The following TRMT11 variants were observed in gnomAD, a reference collection of about 807,000 sequenced individuals.
TRMT11 encodes tRNA methyltransferase 11.
In TRMT11, 53 loss-of-function variants were observed where a neutral mutation model predicts 62.8. The observed-to-expected ratio is 0.84, with a 90% CI of 0.68 to 1.06. The LOEUF (loss-of-function observed/expected upper bound fraction) is 1.06, where lower values mean the gene tolerates loss of function less well. TRMT11 is among the 50% of genes least tolerant of loss of function. The pLI is 0.00. For missense variants in TRMT11, 556 were observed against 553.4 expected (o/e 1.00, Z -0.05); for synonymous variants, 188 against 190.3 (o/e 0.99, Z 0.10).
chr6:126,051,891 C>T (rs1022898534), intron 16 of TRMT11, among the ~76,000 whole-genome samples: 1 of 152,036 alleles, frequency 6.6e-6, no homozygotes, highest in African/African-American at 2.4e-5. Flanking sequence ...AGCAGAAGAT[C>T]CCTGTATGGG....
chr6:126,059,424 AT>A (rs941425999), intron 17 of TRMT11, among the ~76,000 whole-genome samples: 2 of 152,330 alleles, frequency 1.3e-5, no homozygotes, highest in Non-Finnish European at 2.9e-5. Flanking sequence ...TAAAAGGAGT[AT>A]CTGTGGCAGC....
rs1016149016 is a variant in TRMT11 at position 126,071,004 on chromosome 6, C to T, written c.*1437+17814C>T. Among the ~76,000 whole-genome samples the T allele has an allele frequency of 5.3e-5, 8 of 152,264 alleles. No individual in the cohort carries two copies. In the East Asian group the frequency reaches 1.2e-3, roughly 22 times the overall value. On this transcript the variant is annotated intron_variant and NMD_transcript_variant, in intron 17 of 22. Transcript: ENST00000648977. ...GAAAAGGTCAGTGAGGAAGGCTTTT[C>T]GGAGTTGGTGGGACCTGAGCTGGTC...
intron 21 of TRMT11, among the ~76,000 whole-genome samples, chr6:126,161,050 C>G (rs1238997722): frequency 6.6e-6 from 1 of 152,022 alleles, no homozygotes; most frequent in Non-Finnish European, 1.5e-5. Flanking sequence ...CCTGGTACAT[C>G]TGGTATTATG....
intron 7 of TRMT11, among the ~76,000 whole-genome samples, 172 bp downstream of exon 7, chr6:125,999,785 C>G (rs1273878529): frequency 2.0e-5 from 3 of 152,060 alleles, no homozygotes; most frequent in Non-Finnish European, 4.4e-5. Flanking sequence ...ACACTTATGC[C>G]ACTTCAAAGA....
At chr6:126,158,406 G>A (rs567693706) in intron 21 of TRMT11, among the ~76,000 whole-genome samples, 23 of 152,286 alleles carry the variant, frequency 1.5e-4, no homozygotes, top group African/African-American at 5.3e-4. Flanking sequence ...CCAGACACTG[G>A]ATCAGATTCA....
chr6:126,077,488 T>C (rs140059118), intron 17 of TRMT11, among the ~76,000 whole-genome samples: 2 of 152,292 alleles, frequency 1.3e-5, no homozygotes, highest in African/African-American at 4.8e-5. Context: ...ATCACGTTCC[T>C]TTCTTGTGTA....
chr6:126,222,392 G>T, the TRMT11 span, among the ~76,000 whole-genome samples: 2 of 152,028 alleles, frequency 1.3e-5, no homozygotes, highest in African/African-American at 4.8e-5. Context: ...TGAATCTGTA[G>T]ATTGCTTTGG....
the TRMT11 span, among the ~76,000 whole-genome samples, chr6:126,231,531 G>C: frequency 6.6e-6 from 1 of 152,166 alleles, no homozygotes; most frequent in Admixed American, 6.5e-5. Flanking sequence ...TTGGTAGTTA[G>C]GTTTTGGGGG....
intron 12 of TRMT11, among the ~76,000 whole-genome samples, chr6:126,022,836 T>C (rs560866265): frequency 1.3e-5 from 2 of 152,336 alleles, no homozygotes; most frequent in East Asian, 1.9e-4. Flanking sequence ...TGTATAGGTA[T>C]ATGTGGTGTA....
chr6:126,045,676 C>G (rs1213096907), intron 16 of TRMT11, among the ~76,000 whole-genome samples: 2 of 152,088 alleles, frequency 1.3e-5, no homozygotes, highest in Non-Finnish European at 2.9e-5. Context: ...CAAGTCCACC[C>G]CACTATAACA....
chr6:126,212,146 C>T, the TRMT11 span, among the ~76,000 whole-genome samples: 3 of 152,016 alleles, frequency 2.0e-5, no homozygotes, highest in African/African-American at 7.2e-5. Context: ...TGATATGTAC[C>T]ACATTTTCTT....
the TRMT11 span, among the ~76,000 whole-genome samples, chr6:126,244,440 C>T: frequency 6.6e-6 from 1 of 152,132 alleles, no homozygotes; most frequent in East Asian, 1.9e-4. Context: ...GCAAAGATTT[C>T]CTACTGTAAG....
chr6:126,208,977 C>G, the TRMT11 span, among the ~76,000 whole-genome samples: 1 of 152,172 alleles, frequency 6.6e-6, no homozygotes, highest in Non-Finnish European at 1.5e-5. Flanking sequence ...GAATTTACAA[C>G]ATAGTTTAAG....
chr6:126,178,204 C>G (rs979073313), intron 1 of TRMT11, among the ~76,000 whole-genome samples: 3 of 152,206 alleles, frequency 2.0e-5, no homozygotes, highest in African/African-American at 7.2e-5. Context: ...ATGCAACACT[C>G]AGATCACCCT....
At chr6:126,112,992 T>C (rs1023967315) in intron 18 of TRMT11, among the ~76,000 whole-genome samples, 1 of 152,110 alleles carries the variant, frequency 6.6e-6, no homozygotes, top group Admixed American at 6.6e-5. Context: ...ATCTGTTCAA[T>C]AGACCTTTTT....
chr6:126,241,643 T>C, the TRMT11 span, among the ~76,000 whole-genome samples: 3 of 152,094 alleles, frequency 2.0e-5, no homozygotes, highest in Non-Finnish European at 4.4e-5. Context: ...GTTCAACATA[T>C]GCAAATCAAT....
intron 1 of TRMT11, among the ~76,000 whole-genome samples, chr6:125,987,377 A>T (rs962733093): frequency 1.3e-5 from 2 of 152,192 alleles, no homozygotes; most frequent in Non-Finnish European, 2.9e-5. Flanking sequence ...TAGAATTACA[A>T]GGTGTTCATT....
At chr6:126,264,058 G>A in the TRMT11 span, among the ~76,000 whole-genome samples, 14 of 152,034 alleles carry the variant, frequency 9.2e-5, no homozygotes, top group South Asian at 8.3e-4. Flanking sequence ...GCTCCAGAAC[G>A]GCAGAGTGCA....
At chr6:126,108,606 C>A (rs1463908550) in intron 17 of TRMT11, among the ~76,000 whole-genome samples, 1 of 152,214 alleles carries the variant, frequency 6.6e-6, no homozygotes, top group Non-Finnish European at 1.5e-5. Context: ...TGCACCCCAA[C>A]AATCCACTCT....
Sources: gnomAD v4.1 joint callset for allele counts (sites outside exome capture counted in the v4.1 genomes callset) on GRCh38, gnomAD v4.1.1 for gene constraint, MANE v1.5 for transcripts, NCBI Gene and HGNC (gene_info 2026-07-23, HGNC 2026-07-21) for gene names.